Variants in RBFOX1 observed in about 807,000 individuals in gnomAD.
RBFOX1 encodes the protein RNA binding fox-1 homolog 1, also known as RNA binding protein fox-1 homolog 1.
Under a neutral mutation model 57.7 loss-of-function variants are expected in RBFOX1, and 8 were observed. That is an observed-to-expected ratio of 0.14 (90% CI 0.08 to 0.25). The LOEUF is 0.25. Ranked by LOEUF, RBFOX1 falls within the 10% of genes least tolerant of loss-of-function variation. The pLI is 1.00. For missense variants in RBFOX1, 611 were observed against 548.5 expected (o/e 1.11, Z -1.14); for synonymous variants, 326 against 222.4 (o/e 1.47, Z -4.15).
At chr16:6,091,873 C>A (rs1484572467) in intron 1 of RBFOX1, among the ~76,000 whole-genome samples, 1 of 152,074 alleles carries the variant, frequency 6.6e-6, no homozygotes, top group South Asian at 2.1e-4. Flanking sequence ...AATAAATGGT[C>A]CTCTAGTGTT....
intron 4 of RBFOX1, among the ~76,000 whole-genome samples, chr16:5,891,143 T>G (rs1351047924): frequency 7.2e-5 from 11 of 152,182 alleles, no homozygotes; most frequent in Admixed American, 7.2e-4. Flanking sequence ...TCTGCCTCTC[T>G]ACCCTCCTTA....
At chr16:5,354,836 C>G (rs993358723) in intron 1 of RBFOX1, among the ~76,000 whole-genome samples, 1 of 152,210 alleles carries the variant, frequency 6.6e-6, no homozygotes, top group African/African-American at 2.4e-5. Context: ...ATGGCAGCAG[C>G]CACTTGTCAC....
chr16:5,828,000 A>T (rs973004177), intron 3 of RBFOX1, among the ~76,000 whole-genome samples: 1 of 138,430 alleles, frequency 7.2e-6, no homozygotes, highest in Non-Finnish European at 1.5e-5. Flanking sequence ...CATCCAATCC[A>T]TCCATCCATC....
At chr16:7,059,725 A>G (rs1299628261) in intron 4 of RBFOX1, among the ~76,000 whole-genome samples, 1 of 152,156 alleles carries the variant, frequency 6.6e-6, no homozygotes, top group East Asian at 1.9e-4. Context: ...CTATGTAGTG[A>G]CTGTTTGGTA....
At chr16:6,768,383 C>G (rs2077718201) in intron 3 of RBFOX1, among the ~76,000 whole-genome samples, 2 of 151,224 alleles carry the variant, frequency 1.3e-5, no homozygotes, top group South Asian at 2.1e-4. Flanking sequence ...TTTTCTTATT[C>G]TTTGAAAATA....
chr16:6,152,222 A>T (rs529826950), intron 1 of RBFOX1, among the ~76,000 whole-genome samples: 1 of 152,330 alleles, frequency 6.6e-6, no homozygotes, highest in Non-Finnish European at 1.5e-5. Context: ...AACATAATTA[A>T]TAGTGGCTTT....
intron 4 of RBFOX1, among the ~76,000 whole-genome samples, chr16:7,215,427 A>G (rs947670663): frequency 2.2e-4 from 34 of 152,234 alleles, no homozygotes; most frequent in Non-Finnish European, 1.3e-4. Context: ...CCAAATGTCC[A>G]TCAATGATAG....
chr16:6,483,208 C>T, intron 2 of RBFOX1: 1 of 1,200,534 alleles, frequency 8.3e-7, no homozygotes, highest in Non-Finnish European at 1.0e-6. Context: ...CCGAGGCCGG[C>T]CGGGGAAGCC....
chr16:7,673,972 C>A (rs565320451), intron 13 of RBFOX1, among the ~76,000 whole-genome samples: 44 of 152,234 alleles, frequency 2.9e-4, no homozygotes, highest in African/African-American at 1.1e-3. Flanking sequence ...CACTGTGGAA[C>A]CTTGAAGAAG....
intron 2 of RBFOX1, among the ~76,000 whole-genome samples, chr16:6,499,513 C>T (rs1226037039): frequency 2.0e-5 from 3 of 152,116 alleles, no homozygotes; most frequent in African/African-American, 7.2e-5. Flanking sequence ...TAAAGCTTTT[C>T]ATTTTGATTG....
Position 7,676,836 on chromosome 16 carries a change from C to T in RBFOX1, c.993C>T (p.Asp331=). The change falls in exon 14 of 16, where the codon GAC becomes GAT. Residue 331 remains aspartate (D), a splice_region_variant and synonymous_variant. Transcript: ENST00000550418. ...CTGCCACTGCCGCTGCCTACAGTGA[C>T]AGGTAAGGGTCATCCTTCTTGTGCT... The part of the protein sequence containing the change: ...PTPATAAAYS[D]SYGRVYAADP... 6 of 1,611,988 alleles carry T rather than the reference C, an allele frequency of 3.7e-6. No individual in the cohort carries two copies. Among genetic ancestry groups the T allele is most frequent in the African/African-American group, 2.7e-5 (2 of 74,968 alleles).
intron 1 of RBFOX1, among the ~76,000 whole-genome samples, chr16:5,465,343 G>T (rs983688824): frequency 5.3e-5 from 8 of 151,838 alleles, no homozygotes; most frequent in African/African-American, 1.9e-4. Context: ...CTGGATCAGG[G>T]CCCAGTCTAA....
intron 3 of RBFOX1, among the ~76,000 whole-genome samples, chr16:6,781,358 G>A (rs147567460): frequency 1.3e-5 from 2 of 152,184 alleles, no homozygotes; most frequent in East Asian, 1.9e-4. Context: ...TTGCATTCAT[G>A]TTCATCAGAT....
At chr16:7,668,021 G>C (rs143211653) in intron 13 of RBFOX1, among the ~76,000 whole-genome samples, 3 of 152,004 alleles carry the variant, frequency 2.0e-5, no homozygotes, top group Non-Finnish European at 4.4e-5. Flanking sequence ...TTCTAGCTTC[G>C]GTCACTGCTA....
intron 3 of RBFOX1, among the ~76,000 whole-genome samples, chr16:6,808,226 C>A (rs1434389737): frequency 1.3e-5 from 2 of 150,352 alleles, no homozygotes; most frequent in South Asian, 2.1e-4. Flanking sequence ...GCACTAGCTT[C>A]CAGCATGTAG....
chr16:7,191,828 G>A lies in RBFOX1; in HGVS notation c.27+139730G>A, dbSNP rs147266954. On this transcript the variant is annotated intron_variant, in intron 4 of 15. Transcript: ENST00000550418. ...AGCATAGCCTTCTAACCATTGAGGC[G>A]AAAGAGTCCGTTTGGTTTTATTAAC... 3.4e-3 allele frequency among the ~76,000 whole-genome samples: 515 copies of A among 152,318 alleles called. 3 individuals are homozygous for A. Among genetic ancestry groups the A allele is most frequent in the Middle Eastern group, 0.017 (5 of 294 alleles).
At chr16:7,480,483 A>G (rs999201178) in intron 4 of RBFOX1, among the ~76,000 whole-genome samples, 1 of 152,238 alleles carries the variant, frequency 6.6e-6, no homozygotes, top group African/African-American at 2.4e-5. Flanking sequence ...TAATAGAATT[A>G]TTAGTTCTTT....
At chr16:6,837,110 A>G (rs772200654) in intron 3 of RBFOX1, among the ~76,000 whole-genome samples, 3 of 152,228 alleles carry the variant, frequency 2.0e-5, no homozygotes, top group Non-Finnish European at 4.4e-5. Flanking sequence ...CAGTACTGAG[A>G]GTTCCCTTGT....
At chr16:5,393,502 G>A (rs990242074) in intron 1 of RBFOX1, among the ~76,000 whole-genome samples, 6 of 152,218 alleles carry the variant, frequency 3.9e-5, no homozygotes, top group Admixed American at 2.0e-4. Flanking sequence ...TGGTGACCAG[G>A]GACATCCATT....
Sources: gnomAD v4.1 joint callset for allele counts (sites outside exome capture counted in the v4.1 genomes callset) on GRCh38, gnomAD v4.1.1 for gene constraint, MANE v1.5 for transcripts, NCBI Gene and HGNC (gene_info 2026-07-23, HGNC 2026-07-21) for gene names.